The following SHOC1 variants were observed in gnomAD, a reference collection of about 807,000 sequenced individuals.
The protein encoded by SHOC1 is protein shortage in chiasmata 1 ortholog.
A neutral mutation model predicts 179.2 loss-of-function variants in SHOC1; 136 were observed. The observed-to-expected ratio is 0.76, with a 90% CI of 0.66 to 0.87. The LOEUF is 0.87. Among genes scored for constraint, SHOC1 ranks in the 40% least tolerant of loss-of-function variants. SHOC1 has a pLI of 0.00. For missense variants in SHOC1, 1,538 were observed against 1,700.8 expected (o/e 0.90, Z 1.68); for synonymous variants, 489 against 586.6 (o/e 0.83, Z 2.41).
At chr9:111,768,499 G>A (rs1289833816) in intron 5 of SHOC1, among the ~76,000 whole-genome samples, 4 of 152,188 alleles carry the variant, frequency 2.6e-5, no homozygotes, top group South Asian at 2.1e-4. Flanking sequence ...GATTACAGGC[G>A]TGAGCCACCG....
At chr9:111,783,146 A>G (rs1280522793) in intron 3 of SHOC1, among the ~76,000 whole-genome samples, 2 of 152,240 alleles carry the variant, frequency 1.3e-5, no homozygotes, top group African/African-American at 4.8e-5. Context: ...ATAAAAAACA[A>G]AAAAGAATAA....
rs149000898 is a variant in SHOC1, at chr9:111,729,118, C to G, written c.1418-1069G>C. Among the ~76,000 whole-genome samples, 687 of 148,014 alleles carry G rather than the reference C, an allele frequency of 4.6e-3. 7 individuals are homozygous for G. Among genetic ancestry groups the G allele is most frequent in the African/African-American group, 0.017 (635 of 38,328 alleles). ...TTGCAAAGGTGGGGGGTTCTTTTTT[C>G]TTTTTTTTTCTTTTTGAGACATGGT... is the stretch of plus-strand genomic sequence containing the variant. On this transcript the variant is annotated intron_variant, in intron 12 of 27. Transcript: ENST00000682961.
intron 10 of SHOC1, among the ~76,000 whole-genome samples, chr9:111,741,923 C>T (rs1202617700): frequency 3.3e-5 from 5 of 152,096 alleles, no homozygotes; most frequent in Non-Finnish European, 4.4e-5. Context: ...TGAGCCACCG[C>T]GCCTGGCCCA....
At chr9:111,759,464 G>A in intron 5 of SHOC1, 2 of 1,262,456 alleles carry the variant, frequency 1.6e-6, no homozygotes, top group Non-Finnish European at 2.0e-6. Flanking sequence ...GTTAATTTCT[G>A]GAATAAATTT....
chr9:111,687,435 C>T (rs1831226964), intron 27 of SHOC1, among the ~76,000 whole-genome samples: 1 of 152,168 alleles, frequency 6.6e-6, no homozygotes, highest in African/African-American at 2.4e-5. Flanking sequence ...TTTTTATGCT[C>T]ATGCCTTGTA....
chr9:111,701,550 A>G (rs1230159284), intron 23 of SHOC1, among the ~76,000 whole-genome samples: 1 of 152,192 alleles, frequency 6.6e-6, no homozygotes, highest in Non-Finnish European at 1.5e-5. Flanking sequence ...TATCCAGAAC[A>G]CTTCCAAGTT....
At chr9:111,758,909 CTAGA>C in intron 5 of SHOC1, 61 bp from the exon 6 acceptor site, 2 of 1,036,952 alleles carry the variant, frequency 1.9e-6, no homozygotes, top group Non-Finnish European at 1.4e-6. Context: ...CCAAAGAGAT[CTAGA>C]TAGTTAATGT....
chr9:111,789,476 ATTTTAAGTTT>A lies in SHOC1; in HGVS notation c.45+1888_45+1897del, dbSNP rs199967619. Reference sequence around the variant, plus strand: ...AGATATTTTTAGAAAATGTTTGAAGATTTTAAGTTTTTTTAAGTTTTTTTTAAGATTTTAA... The same window carrying A: ...AGATATTTTTAGAAAATGTTTGAAGATTTTAAGTTTTTTTTAAGATTTTAA... On this transcript the variant is annotated intron_variant, in intron 2 of 27. Transcript: ENST00000682961. Among the ~76,000 whole-genome samples the A allele has an allele frequency of 7.8e-3, 1,183 of 152,252 alleles. 12 individuals carry two copies. The highest frequency in any genetic ancestry group is 0.025 in the African/African-American group (1,036 of 41,554).
chr9:111,749,392 T>G (rs188284028), intron 8 of SHOC1, among the ~76,000 whole-genome samples: 1 of 152,328 alleles, frequency 6.6e-6, no homozygotes, highest in East Asian at 1.9e-4. Flanking sequence ...GTGATACTTT[T>G]ATAATCTTAT....
rs1834378035 is a variant in SHOC1 at position 111,748,146 on chromosome 9, T to C, written c.916A>G (p.Thr306Ala). ...TGGCTTTGAATGGTCAAAATCTCTG[T>C]GGAGCTGAATTTTATATCCCCGATA... ...EDIGDIKFSS[T>A]EILTIQSQSE... is the part of the protein sequence containing the mutation. Residue 306 changes from threonine to alanine, a missense_variant, in exon 9 of 28, where the codon ACA (threonine) becomes GCA (alanine). Transcript: ENST00000682961. 1.2e-6 allele frequency: 2 copies of C among 1,613,826 alleles called. No homozygotes were observed. Among genetic ancestry groups the C allele is most frequent in the African/African-American group, 1.3e-5 (1 of 74,920 alleles).
intron 5 of SHOC1, among the ~76,000 whole-genome samples, chr9:111,766,904 GC>G (rs1393904683): frequency 1.3e-5 from 2 of 152,170 alleles, no homozygotes; most frequent in African/African-American, 4.8e-5. Context: ...GAGCCACCAC[GC>G]CTGGCCAGCT....
At chr9:111,774,902 G>A (rs62572577) in intron 5 of SHOC1, among the ~76,000 whole-genome samples, 3,619 of 152,008 alleles carry the variant, frequency 0.024, 79 homozygotes, top group South Asian at 0.046. Context: ...ATACAAGAAA[G>A]GCAATTTTCA....
chr9:111,764,881 C>T (rs1250719186), intron 5 of SHOC1, among the ~76,000 whole-genome samples: 1 of 152,162 alleles, frequency 6.6e-6, no homozygotes, highest in East Asian at 1.9e-4. Context: ...TGGCTCACGC[C>T]TGTAATCCCA....
chr9:111,733,948 T>C (rs1467836276), intron 12 of SHOC1, among the ~76,000 whole-genome samples: 1 of 152,146 alleles, frequency 6.6e-6, no homozygotes, highest in Non-Finnish European at 1.5e-5. Context: ...TTTTCAGATA[T>C]TCTCTAGTGG....
chr9:111,758,929 G>A (rs928758624), intron 5 of SHOC1, 81 bp from the exon 6 acceptor site: 3 of 920,738 alleles, frequency 3.3e-6, no homozygotes, highest in Non-Finnish European at 4.8e-6. Flanking sequence ...AATGTAATCA[G>A]TCATTAGATA....
chr9:111,698,278 C>T (rs1210523873), intron 24 of SHOC1, among the ~76,000 whole-genome samples: 1 of 152,138 alleles, frequency 6.6e-6, no homozygotes, highest in East Asian at 1.9e-4. Flanking sequence ...ATGCCTATGT[C>T]CTGAATGGTA....
At chr9:111,686,939 C>CTTTTTTTTTTTTTTT (rs10537471) in intron 27 of SHOC1, 69 bp from the exon 28 acceptor site, 4 of 498,932 alleles carry the variant, frequency 8.0e-6, no homozygotes, top group South Asian at 2.7e-5. Flanking sequence ...TTTTCTTTTC[C>CTTTTTTTTTTTTTTT]TTTTTTTTTT....
intron 18 of SHOC1, among the ~76,000 whole-genome samples, chr9:111,710,845 A>G (rs1283207868): frequency 6.6e-6 from 1 of 152,188 alleles, no homozygotes; most frequent in East Asian, 1.9e-4. Flanking sequence ...AAAGGCATAG[A>G]GATATGAAAC....
chr9:111,777,608 A>T (rs1835884508), intron 4 of SHOC1, among the ~76,000 whole-genome samples: 1 of 152,130 alleles, frequency 6.6e-6, no homozygotes, highest in Non-Finnish European at 1.5e-5. Context: ...CCTTGCCCTT[A>T]CCTGTTTCCT....
Sources: gnomAD v4.1 joint callset for allele counts (sites outside exome capture counted in the v4.1 genomes callset) on GRCh38, gnomAD v4.1.1 for gene constraint, MANE v1.5 for transcripts, NCBI Gene and HGNC (gene_info 2026-07-23, HGNC 2026-07-21) for gene names.